FHIT: variants seen among roughly 807,000 people sequenced by gnomAD.
FHIT encodes bis(5'-adenosyl)-triphosphatase.
A neutral mutation model predicts 17.9 loss-of-function variants in FHIT; 19 were observed. That is an observed-to-expected ratio of 1.06 (90% CI 0.74 to 1.56). The LOEUF is 1.56. Ranked by LOEUF, FHIT falls within the 40% of genes most tolerant of loss-of-function variation. The pLI, the probability that FHIT is intolerant of heterozygous loss-of-function variation, is 0.00. For missense variants in FHIT, 248 were observed against 189.2 expected, an observed-to-expected ratio of 1.31 and a Z score of -1.82; for synonymous variants, 81 against 69.7, an observed-to-expected ratio of 1.16 and a Z score of -0.81.
intron 3 of FHIT, among the ~76,000 whole-genome samples, chr3:60,973,300 C>G (rs1341011942): frequency 6.6e-6 from 1 of 152,142 alleles, no homozygotes; most frequent in Non-Finnish European, 1.5e-5. Context: ...CCTCAAGGAC[C>G]TTGAGTATTT....
At chr3:61,142,955 C>T (rs1400776095) in intron 2 of FHIT, among the ~76,000 whole-genome samples, 3 of 152,174 alleles carry the variant, frequency 2.0e-5, no homozygotes, top group Admixed American at 6.5e-5. Flanking sequence ...ATGTACCTTA[C>T]AGTGTATTTT....
intron 9 of FHIT, chr3:59,750,533 GA>G: frequency 4.4e-6 from 1 of 225,614 alleles, no homozygotes; most frequent in African/African-American, 2.2e-5. Flanking sequence ...GTGAACAGTG[GA>G]AAAGGTTCAA....
chr3:60,981,073 G>A (rs538889043), intron 3 of FHIT, among the ~76,000 whole-genome samples: 1 of 152,110 alleles, frequency 6.6e-6, no homozygotes, highest in Non-Finnish European at 1.5e-5. Flanking sequence ...CTTTCCCAGG[G>A]GGTCATAGCC....
chr3:60,501,150 G>A (rs549640372), intron 5 of FHIT, among the ~76,000 whole-genome samples: 35 of 152,246 alleles, frequency 2.3e-4, no homozygotes, highest in Non-Finnish European at 4.6e-4. Flanking sequence ...ACTCACCTGA[G>A]AACAAGCCAT....
rs1359559193 is a variant in FHIT at position 60,610,457 on chromosome 3, C to T, written c.-17-73478G>A. Among the ~76,000 whole-genome samples the T allele has an allele frequency of 5.3e-5, 8 of 152,150 alleles. No individual in the cohort carries two copies. The East Asian group carries it at 1.6e-3, about 29-fold the overall frequency. The stretch of plus-strand genomic sequence containing the variant: ...TCATGCTAGAGTTTCTACGCAATTC[C>T]CCAGAGAATGAAGCATACCAGCATT... On this transcript the variant is annotated intron_variant, in intron 4 of 9. Transcript: ENST00000492590.
intron 5 of FHIT, among the ~76,000 whole-genome samples, chr3:60,246,655 T>A (rs1199164571): frequency 6.6e-6 from 1 of 152,116 alleles, no homozygotes; most frequent in African/African-American, 2.4e-5. Flanking sequence ...TGAGTGGAGC[T>A]CAAGCTCTGT....
At chr3:60,175,131 G>C (rs551175847) in intron 5 of FHIT, among the ~76,000 whole-genome samples, 11 of 152,202 alleles carry the variant, frequency 7.2e-5, no homozygotes, top group African/African-American at 2.6e-4. Context: ...ACAGAGCCCA[G>C]CAGTGTTAAT....
intron 3 of FHIT, among the ~76,000 whole-genome samples, chr3:60,927,414 G>A (rs935627130): frequency 1.2e-4 from 18 of 152,330 alleles, no homozygotes; most frequent in African/African-American, 3.4e-4. Flanking sequence ...ACCCTGTCTA[G>A]GAAGTGAGGA....
chr3:60,853,110 A>T (rs1703219397), intron 3 of FHIT, among the ~76,000 whole-genome samples: 1 of 152,036 alleles, frequency 6.6e-6, no homozygotes, highest in Non-Finnish European at 1.5e-5. Flanking sequence ...CCTCCTTTTT[A>T]GCCCTCCAAC....
At chr3:60,370,212 A>C (rs1468691297) in intron 5 of FHIT, among the ~76,000 whole-genome samples, 4 of 44 alleles carry the variant, frequency 0.091, no homozygotes, top group Admixed American at 0.33. Flanking sequence ...TTTGGCCAAG[A>C]TTCATAAATA....
chr3:61,072,346 G>T (rs2034832835), intron 2 of FHIT, among the ~76,000 whole-genome samples: 1 of 152,182 alleles, frequency 6.6e-6, no homozygotes, highest in Non-Finnish European at 1.5e-5. Context: ...GGACAAGCAT[G>T]GTAACTTCAT....
At chr3:61,010,127 T>C (rs1436837472) in intron 3 of FHIT, among the ~76,000 whole-genome samples, 1 of 152,128 alleles carries the variant, frequency 6.6e-6, no homozygotes, top group Non-Finnish European at 1.5e-5. Flanking sequence ...TCTCTGCGCA[T>C]ATCTTCAATT....
chr3:60,506,467 C>T (rs555600516), intron 5 of FHIT, among the ~76,000 whole-genome samples: 1 of 152,146 alleles, frequency 6.6e-6, no homozygotes, highest in African/African-American at 2.4e-5. Context: ...CTGAAAATCT[C>T]GGACAAGTGT....
At chr3:60,378,255 CCTCGTGATCCGCCCGCCTCA>C (rs1700659221) in intron 5 of FHIT, among the ~76,000 whole-genome samples, 1 of 151,918 alleles carries the variant, frequency 6.6e-6, no homozygotes, top group Non-Finnish European at 1.5e-5. Context: ...GATCTCCTGA[CCTCGTGATCCGCCCGCCTCA>C]GCCTCCCGAG....
At chr3:60,651,163 T>G (rs1172192305) in intron 4 of FHIT, among the ~76,000 whole-genome samples, 2 of 152,178 alleles carry the variant, frequency 1.3e-5, no homozygotes, top group Non-Finnish European at 2.9e-5. Flanking sequence ...TATTCTATGA[T>G]GAGCATTGTA....
Position 61,136,184 on chromosome 3 carries a change from G to C in FHIT, c.-164+64433C>G, listed in dbSNP as rs2036909515. On this transcript the variant is annotated intron_variant, in intron 2 of 9. Transcript: ENST00000492590. ...AGACACTTGGATTAGCCTCAGGGAG[G>C]CTGGTTAGGCAATGCCACCACCACC... is the stretch of plus-strand genomic sequence containing the variant. 2.6e-5 allele frequency among the ~76,000 whole-genome samples: 4 copies of C among 152,140 alleles called. No homozygotes were observed. The South Asian group carries it at 8.3e-4, about 32-fold the overall frequency.
intron 4 of FHIT, among the ~76,000 whole-genome samples, chr3:60,599,109 G>A (rs2038360274): frequency 2.0e-5 from 3 of 152,164 alleles, no homozygotes; most frequent in Admixed American, 6.6e-5. Context: ...GTACTGGGGT[G>A]CCTACCAAAA....
At chr3:60,654,408 A>T (rs1553689083) in intron 4 of FHIT, among the ~76,000 whole-genome samples, 1 of 152,184 alleles carries the variant, frequency 6.6e-6, no homozygotes, top group Non-Finnish European at 1.5e-5. Context: ...GATTCTACAC[A>T]GCATGTCTAC....
intron 4 of FHIT, among the ~76,000 whole-genome samples, chr3:60,729,831 A>G (rs1366877071): frequency 6.6e-6 from 1 of 152,144 alleles, no homozygotes; most frequent in Non-Finnish European, 1.5e-5. Flanking sequence ...TAATGGAGGC[A>G]GCATTTAATT....
Sources: allele counts gnomAD v4.1 joint callset (sites outside exome capture counted in the v4.1 genomes callset), GRCh38; gene constraint gnomAD v4.1.1; transcripts MANE v1.5; gene names NCBI Gene and HGNC (gene_info 2026-07-23, HGNC 2026-07-21).